PKNOX1: variants seen among roughly 807,000 people sequenced by gnomAD.
PKNOX1 encodes PBX/knotted 1 homeobox 1.
A neutral mutation model predicts 51.9 loss-of-function variants in PKNOX1; 15 were observed. The observed-to-expected ratio is 0.29, with a 90% CI of 0.19 to 0.45. PKNOX1 has a LOEUF of 0.45. Ranked by LOEUF, PKNOX1 falls within the 20% of genes least tolerant of loss-of-function variation. The probability of loss-of-function intolerance (pLI) is 1.00; values close to 1 mark genes in which losing one functional copy is unlikely to be tolerated. For missense variants in PKNOX1, 462 were observed against 547.5 expected (o/e 0.84, Z 1.56); for synonymous variants, 219 against 211.1 (o/e 1.04, Z -0.32).
chr21:43,009,858 A>G lies in PKNOX1; in HGVS notation c.180-195A>G, dbSNP rs565502801. 1.1e-3 allele frequency among the ~76,000 whole-genome samples: 164 copies of G among 152,280 alleles called. 1 individual carries two copies. The highest frequency in any genetic ancestry group is 3.7e-3 in the African/African-American group (155 of 41,560). ...GGGTTTCTTTGCGGGGATCATGGAA[A>G]TGTTCCAAAGTTGACGGCGGCAATG... is the stretch of plus-strand genomic sequence containing the variant. On this transcript the variant is annotated intron_variant, in intron 3 of 10. Transcript: ENST00000291547.
intron 6 of PKNOX1, 62 bp from the exon 7 acceptor site, chr21:43,018,069 AAG>A: frequency 1.2e-6 from 1 of 831,316 alleles, no homozygotes; most frequent in African/African-American, 1.8e-5. Context: ...AAAAAAAAAA[AAG>A]AAGAATGGTT....
chr21:42,993,650 GTT>G (rs756844153), intron 1 of PKNOX1, among the ~76,000 whole-genome samples: 1 of 20,000 alleles, frequency 5.0e-5, no homozygotes, highest in Non-Finnish European at 9.4e-5. Context: ...TACCCACTTT[GTT>G]TTTTTTGTTT....
chr21:43,024,160 A>G (rs1345901785), intron 8 of PKNOX1, among the ~76,000 whole-genome samples: 1 of 152,144 alleles, frequency 6.6e-6, no homozygotes, highest in African/African-American at 2.4e-5. Context: ...TCCAGCAGAG[A>G]TCTCACCCCA....
rs920167122 is a variant in PKNOX1, at chr21:43,021,819, C to T, written c.849+388C>T. ...AGATGGGTTAGAGACATCGCAGGGC[C>T]GGGTGCACCCACAGGTGGGCCACCG... On this transcript the variant is annotated intron_variant, in intron 8 of 10. Transcript: ENST00000291547. This position sits in a 1 kb window ranked among gnomAD's most constrained non-coding sequence, Gnocchi z 4.6. Among the ~76,000 whole-genome samples the T allele has an allele frequency of 2.0e-5, 3 of 152,210 alleles. No homozygotes were observed. Among genetic ancestry groups the T allele is most frequent in the African/African-American group, 7.2e-5 (3 of 41,464 alleles).
At chr21:43,005,431 G>GCT (rs1978944032) in intron 2 of PKNOX1, among the ~76,000 whole-genome samples, 1 of 150,394 alleles carries the variant, frequency 6.6e-6, no homozygotes, top group South Asian at 2.1e-4. Flanking sequence ...TGGTGTTAGT[G>GCT]TTTTTTTTTC....
At position 43,011,841 on chromosome 21, in the gene PKNOX1, C is replaced by T. The variant is rs148552200; in HGVS notation, c.352-1227C>T. Among the ~76,000 whole-genome samples the T allele has an allele frequency of 1.3e-4, 20 of 152,330 alleles. No homozygotes were observed. The East Asian group carries it at 3.7e-3, about 28-fold the overall frequency. On this transcript the variant is annotated intron_variant, in intron 4 of 10. Transcript: ENST00000291547. ...GTTATCTGACTTGAATCTGTCTCCTCCTCTCTGAGATGAGACTAACAGTGC... is the reference window on the plus strand; with the variant it reads ...GTTATCTGACTTGAATCTGTCTCCTTCTCTCTGAGATGAGACTAACAGTGC...
Position 43,030,089 on chromosome 21 carries a change from C to T in PKNOX1, c.1299C>T (p.Asp433=), listed in dbSNP as rs1980188993. The part of the protein sequence containing the change: ...HISGLVLENS[D]SLQ ...GCGGGCTGGTCTTGGAGAACAGTGACTCCCTGCAGTAGGGGCAGGAGCAGA... is the reference window on the plus strand; with the variant it reads ...GCGGGCTGGTCTTGGAGAACAGTGATTCCCTGCAGTAGGGGCAGGAGCAGA... Residue 433 remains aspartate (D), a synonymous_variant, in exon 11 of 11, where the codon GAC becomes GAT. Coordinates refer to ENST00000291547, the MANE Select transcript of PKNOX1 (RefSeq NM_004571.5). 6.3e-7 allele frequency: 1 copy of T among 1,599,920 alleles called. No homozygotes were observed. Among genetic ancestry groups the T allele is most frequent in the Admixed American group, 1.7e-5 (1 of 59,630 alleles).
intron 1 of PKNOX1, among the ~76,000 whole-genome samples, chr21:42,977,071 A>G (rs34968788): frequency 0.038 from 5,791 of 152,272 alleles, 140 homozygotes; most frequent in Middle Eastern, 0.061. Flanking sequence ...TTGTCAGTGA[A>G]CGGTAATATT....
intron 2 of PKNOX1, among the ~76,000 whole-genome samples, chr21:43,006,389 G>A (rs1030435476): frequency 1.3e-5 from 2 of 152,194 alleles, no homozygotes; most frequent in Admixed American, 6.5e-5. Flanking sequence ...GCCTCCCAAA[G>A]TGCTGGGATC....
intron 3 of PKNOX1, 26 bp from the exon 4 acceptor site, chr21:43,010,027 G>T: frequency 6.8e-7 from 1 of 1,478,660 alleles, no homozygotes; most frequent in Non-Finnish European, 9.1e-7. Context: ...AACGTAAATG[G>T]ATTCTTTTTT....
Position 42,993,638 on chromosome 21 carries a change from G to T in PKNOX1, c.-56-10688G>T, listed in dbSNP as rs1307527038. Among the ~76,000 whole-genome samples the T allele has an allele frequency of 4.0e-5, 5 of 123,938 alleles. No homozygotes were observed. The Admixed American group carries it at 4.4e-4, about 11-fold the overall frequency. The allele number at this position is 123,938 out of a possible 152,430, so 81.3% of individuals were successfully genotyped here. On this transcript the variant is annotated intron_variant, in intron 1 of 10. Transcript: ENST00000291547. ...TGGCCTGTGGGTCTGTTCCTGTATGGTTACCCACTTTGTTTTTTTTGTTTT... is the reference window on the plus strand; with the variant it reads ...TGGCCTGTGGGTCTGTTCCTGTATGTTTACCCACTTTGTTTTTTTTGTTTT...
intron 1 of PKNOX1, among the ~76,000 whole-genome samples, chr21:42,978,121 TC>T: frequency 6.6e-6 from 1 of 152,110 alleles, no homozygotes; most frequent in Non-Finnish European, 1.5e-5. Context: ...TTCTCTTGCC[TC>T]AACCTCCCGA....
intron 5 of PKNOX1, among the ~76,000 whole-genome samples, 160 bp from the exon 6 acceptor site, chr21:43,016,748 G>A (rs900895707): frequency 7.2e-5 from 11 of 152,188 alleles, no homozygotes; most frequent in Non-Finnish European, 1.6e-4. Flanking sequence ...CTTTCCGTGT[G>A]TGCTGCGTGC....
Position 43,030,115 on chromosome 21 carries a change from C to CG in PKNOX1, c.*15dup. On this transcript the variant is annotated 3_prime_UTR_variant, in exon 11 of 11. Transcript: ENST00000291547. ...TCCCTGCAGTAGGGGCAGGAGCAGACGCACCTGACTTTTTGGAGTTTGCAC... is the reference window on the plus strand; with the variant it reads ...TCCCTGCAGTAGGGGCAGGAGCAGACGGCACCTGACTTTTTGGAGTTTGCAC... The CG allele has an allele frequency of 6.4e-7, 1 of 1,557,876 alleles. No individual in the cohort carries two copies. Among genetic ancestry groups the CG allele is most frequent in the South Asian group, 1.2e-5 (1 of 86,080 alleles).
chr21:43,003,353 G>A (rs755458673), intron 1 of PKNOX1, among the ~76,000 whole-genome samples: 3 of 152,212 alleles, frequency 2.0e-5, no homozygotes, highest in Non-Finnish European at 4.4e-5. Context: ...CCTTCAGTGC[G>A]GAAGTGGCAT....
intron 2 of PKNOX1, among the ~76,000 whole-genome samples, chr21:43,005,414 G>T (rs531998535): frequency 3.7e-4 from 38 of 103,352 alleles, no homozygotes; most frequent in South Asian, 2.3e-3. Flanking sequence ...TTTGTTGTTG[G>T]TGGTGGTGGT....
intron 5 of PKNOX1, among the ~76,000 whole-genome samples, chr21:43,014,537 A>G (rs1439234721): frequency 6.6e-6 from 1 of 152,088 alleles, no homozygotes; most frequent in Non-Finnish European, 1.5e-5. Context: ...TTTTCCTTTT[A>G]TGGATCATTC....
chr21:43,027,133 G>C (rs234724), intron 9 of PKNOX1, among the ~76,000 whole-genome samples: 36,543 of 152,044 alleles, frequency 0.24, 4,785 homozygotes, highest in Non-Finnish European at 0.29. Flanking sequence ...TCCAGATAGA[G>C]AAGTCTGGCT....
chr21:43,002,545 G>A lies in PKNOX1; in HGVS notation c.-56-1781G>A, dbSNP rs918771769. Among the ~76,000 whole-genome samples, 12 of 152,190 alleles carry A rather than the reference G, an allele frequency of 7.9e-5. 1 individual carries two copies. The highest frequency in any genetic ancestry group is 3.4e-3 in the Middle Eastern group (1 of 294). On this transcript the variant is annotated intron_variant, in intron 1 of 10. Coordinates refer to ENST00000291547, the MANE Select transcript of PKNOX1 (RefSeq NM_004571.5). Reference sequence around the variant, plus strand: ...TCCCAGCTCAGCCTCTGGCCATCGTGGTGGCTGAGGCCACATTGCTCAGGC... The same window carrying A: ...TCCCAGCTCAGCCTCTGGCCATCGTAGTGGCTGAGGCCACATTGCTCAGGC...
Sources: gnomAD v4.1 joint callset for allele counts (sites outside exome capture counted in the v4.1 genomes callset) on GRCh38, gnomAD v4.1.1 for gene constraint, Gnocchi (gnomAD v3.1) non-coding constraint, MANE v1.5 for transcripts, NCBI Gene and HGNC (gene_info 2026-07-23, HGNC 2026-07-21) for gene names.